Variants in SMIM31 observed in about 807,000 individuals in gnomAD.
SMIM31 encodes the protein small integral membrane protein 31.
At chr4:164,780,099 C>T (rs1732927598) in intron 2 of SMIM31, among the ~76,000 whole-genome samples, 1 of 152,188 alleles carries the variant, frequency 6.6e-6, no homozygotes. Context: ...GCAATGCATG[C>T]AACTCTTCCA....
At chr4:164,769,488 G>T (rs1003789444) in intron 1 of SMIM31, among the ~76,000 whole-genome samples, 9 of 148,752 alleles carry the variant, frequency 6.1e-5, no homozygotes, top group South Asian at 2.1e-4. Flanking sequence ...GCAAACTATC[G>T]CAAGGACAAA....
At chr4:164,791,170 T>C (rs1401644444) in intron 2 of SMIM31, among the ~76,000 whole-genome samples, 8 of 152,190 alleles carry the variant, frequency 5.3e-5, no homozygotes, top group Admixed American at 5.2e-4. Flanking sequence ...TCTTGGACTG[T>C]TTTTTTCTTA....
chr4:164,776,488 A>G (rs140659327), intron 2 of SMIM31, among the ~76,000 whole-genome samples: 1 of 152,320 alleles, frequency 6.6e-6, no homozygotes, highest in East Asian at 1.9e-4. Flanking sequence ...GAGGTAATAC[A>G]GGTAGGAAAG....
At chr4:164,799,421 A>C (rs1733254777) in intron 2 of SMIM31, among the ~76,000 whole-genome samples, 1 of 151,858 alleles carries the variant, frequency 6.6e-6, no homozygotes, top group South Asian at 2.1e-4. Flanking sequence ...ATAAACATAA[A>C]CATAAATGAG....
intron 1 of SMIM31, among the ~76,000 whole-genome samples, chr4:164,754,973 C>A (rs78461258): frequency 0.079 from 11,878 of 149,894 alleles, 571 homozygotes; most frequent in South Asian, 0.13. Flanking sequence ...TTATTAAAAG[C>A]CTTTAGAAAT....
intron 2 of SMIM31, among the ~76,000 whole-genome samples, chr4:164,790,141 C>T (rs1733081124): frequency 6.6e-6 from 1 of 152,136 alleles, no homozygotes; most frequent in African/African-American, 2.4e-5. Flanking sequence ...CTTCTAGGCA[C>T]ATTTTACTTT....
intron 2 of SMIM31, among the ~76,000 whole-genome samples, chr4:164,777,778 A>G (rs1464289263): frequency 6.6e-6 from 1 of 152,242 alleles, no homozygotes; most frequent in Non-Finnish European, 1.5e-5. Flanking sequence ...CATGATGCAC[A>G]GAGTTTTAGA....
Position 164,802,130 on chromosome 4 carries a change from A to C in SMIM31, c.*936A>C, listed in dbSNP as rs896767744. 3.3e-5 allele frequency: 5 copies of C among 152,268 alleles called. No individual in the cohort carries two copies. Among genetic ancestry groups the C allele is most frequent in the Non-Finnish European group, 7.3e-5 (5 of 68,200 alleles). The allele number at this position is 152,268 out of a possible 1,614,324, so 9.4% of individuals were successfully genotyped here. A position where few individuals can be genotyped will look rare whatever the true frequency, so the allele number is the denominator to read the frequency against. ...CGCCTATAGTCCCATCTTCTCGGGA[A>C]GCTGAGGCAGGAGAATGGTGTGAAC... On this transcript the variant is annotated 3_prime_UTR_variant, in exon 3 of 3. Coordinates refer to ENST00000507311, the MANE Select transcript of SMIM31 (RefSeq NM_001352885.1).
intron 1 of SMIM31, among the ~76,000 whole-genome samples, chr4:164,763,457 A>G (rs954326525): frequency 6.6e-6 from 1 of 152,214 alleles, no homozygotes; most frequent in East Asian, 1.9e-4. Flanking sequence ...TTAAAAATGA[A>G]CCAAATAGAA....
At chr4:164,794,251 C>T (rs34640671) in intron 2 of SMIM31, among the ~76,000 whole-genome samples, 26,437 of 151,898 alleles carry the variant, frequency 0.17, 2,561 homozygotes, top group South Asian at 0.24. Flanking sequence ...CAGTGGTGCA[C>T]GCCTGTAGTT....
chr4:164,772,385 T>G (rs1732816169), intron 2 of SMIM31, among the ~76,000 whole-genome samples: 1 of 152,054 alleles, frequency 6.6e-6, no homozygotes, highest in Admixed American at 6.5e-5. Flanking sequence ...CAACACTGGG[T>G]ATTACATTTC....
At chr4:164,777,686 G>A (rs545750400) in intron 2 of SMIM31, among the ~76,000 whole-genome samples, 7 of 151,844 alleles carry the variant, frequency 4.6e-5, no homozygotes, top group African/African-American at 1.7e-4. Context: ...TTGACAAGCA[G>A]TAGCTATCCA....
intron 2 of SMIM31, among the ~76,000 whole-genome samples, chr4:164,797,781 C>A (rs1325725148): frequency 6.6e-6 from 1 of 151,932 alleles, no homozygotes; most frequent in East Asian, 1.9e-4. Flanking sequence ...AAATTTCTTA[C>A]ATGCATATAC....
intron 1 of SMIM31, among the ~76,000 whole-genome samples, chr4:164,768,175 G>A (rs898220113): frequency 1.2e-4 from 18 of 151,634 alleles, no homozygotes; most frequent in Admixed American, 9.9e-4. Context: ...GGCCGAGGCT[G>A]CAGTGAACTG....
At chr4:164,793,409 A>G (rs1426253549) in intron 2 of SMIM31, among the ~76,000 whole-genome samples, 2 of 152,208 alleles carry the variant, frequency 1.3e-5, no homozygotes, top group Non-Finnish European at 2.9e-5. Context: ...ATACAAAAGA[A>G]TGAAGTTGGA....
At chr4:164,757,372 C>T (rs898801726) in intron 1 of SMIM31, among the ~76,000 whole-genome samples, 3 of 151,678 alleles carry the variant, frequency 2.0e-5, no homozygotes, top group Non-Finnish European at 4.4e-5. Flanking sequence ...GCCTTGCCTA[C>T]TCATTTTGTT....
At chr4:164,779,493 T>G (rs1579068016) in intron 2 of SMIM31, among the ~76,000 whole-genome samples, 1 of 151,564 alleles carries the variant, frequency 6.6e-6, no homozygotes, top group East Asian at 2.0e-4. Context: ...TTTCACATAG[T>G]TTTAAAGTTA....
intron 2 of SMIM31, among the ~76,000 whole-genome samples, chr4:164,787,604 T>A (rs2110953710): frequency 6.6e-6 from 1 of 151,418 alleles, no homozygotes; most frequent in East Asian, 1.9e-4. Context: ...GTTCTCCGTC[T>A]TCTCTCTTCC....
In SMIM31 at chr4:164,801,339, A is replaced by T. The variant is rs775625889; in HGVS notation, c.*145A>T. The T allele has an allele frequency of 5.1e-6, 2 of 392,012 alleles. No individual in the cohort carries two copies. Among genetic ancestry groups the T allele is most frequent in the Admixed American group, 4.4e-5 (1 of 22,528 alleles). The allele number at this position is 392,012 out of a possible 1,614,324, so 24.3% of individuals were successfully genotyped here. ...AACACGATGATAATAACCATTAATG[A>T]ACTCAATACTCGGGAAAGGCTTCAC... On this transcript the variant is annotated 3_prime_UTR_variant, in exon 3 of 3. Transcript: ENST00000507311.
Sources: allele counts gnomAD v4.1 joint callset (sites outside exome capture counted in the v4.1 genomes callset), GRCh38; gene constraint gnomAD v4.1.1; transcripts MANE v1.5; gene names NCBI Gene and HGNC (gene_info 2026-07-23, HGNC 2026-07-21).